PRKD1: variants seen among roughly 807,000 people sequenced by gnomAD.
PRKD1 encodes serine/threonine-protein kinase D1.
PRKD1 carries 63 observed loss-of-function variants against 95.9 expected under a neutral mutation model. The ratio of observed to expected loss-of-function variants is 0.66; its 90% CI spans 0.54 to 0.81. The LOEUF (loss-of-function observed/expected upper bound fraction) is 0.81, where lower values mean the gene tolerates loss of function less well. Ranked by LOEUF, PRKD1 falls within the 30% of genes least tolerant of loss-of-function variation. The probability of loss-of-function intolerance (pLI) is 0.00; values close to 1 mark genes in which losing one functional copy is unlikely to be tolerated. For synonymous variants in PRKD1, 425 were observed against 423.1 expected (o/e 1.00, Z -0.05); for missense variants, 1,048 against 1,165.3 (o/e 0.90, Z 1.47).
In PRKD1 at chr14:29,927,521, G is replaced by T. The variant is rs575697745; in HGVS notation, c.-9C>A. On this transcript the variant is annotated 5_prime_UTR_variant, in exon 1 of 18. Transcript: ENST00000331968. ...ACCGGAGGGGCGCTCATCGCTCGGC[G>T]GGGCGCAGGGCCGGGCAGCGGAGGG... The T allele has an allele frequency of 5.1e-3, 6,005 of 1,178,454 alleles. 26 individuals carry two copies. The highest frequency in any genetic ancestry group is 7.0e-3 in the Admixed American group (152 of 21,624). The allele number at this position is 1,178,454 out of a possible 1,614,324, so 73.0% of individuals were successfully genotyped here. A position where few individuals can be genotyped will look rare whatever the true frequency, so the allele number is the denominator to read the frequency against.
rs183527302 is a variant in PRKD1, at chr14:29,752,075, T to C, written c.265-26401A>G. 5.9e-5 allele frequency among the ~76,000 whole-genome samples: 9 copies of C among 152,320 alleles called. No individual in the cohort carries two copies. The East Asian group carries it at 1.7e-3, about 29-fold the overall frequency. On this transcript the variant is annotated intron_variant, in intron 1 of 17. Transcript: ENST00000331968. ...AAATAAAATTATCAACCAATAGTGATGTCAGAACTACACTAATTGATACTT... is the reference window on the plus strand; with the variant it reads ...AAATAAAATTATCAACCAATAGTGACGTCAGAACTACACTAATTGATACTT...
At chr14:29,589,794 A>G (rs1242631746) in intron 16 of PRKD1, among the ~76,000 whole-genome samples, 1 of 152,150 alleles carries the variant, frequency 6.6e-6, no homozygotes. Flanking sequence ...AAAGATCTAA[A>G]TCAGTAAGAC....
intron 1 of PRKD1, among the ~76,000 whole-genome samples, chr14:29,907,674 A>C (rs1894540607): frequency 6.6e-6 from 1 of 152,224 alleles, no homozygotes; most frequent in South Asian, 2.1e-4. Flanking sequence ...TAAGCAAGCA[A>C]CTGTTTCTTT....
chr14:29,662,621 T>G (rs1195892838), intron 4 of PRKD1, among the ~76,000 whole-genome samples: 3 of 152,112 alleles, frequency 2.0e-5, no homozygotes, highest in African/African-American at 7.2e-5. Context: ...ATAATTCATT[T>G]CATTTATACT....
rs772085148 is a variant in PRKD1 at position 29,638,824 on chromosome 14, A to C, written c.777T>G (p.Leu259=). The C allele has an allele frequency of 1.9e-6, 3 of 1,609,542 alleles. No individual in the cohort carries two copies. In the African/African-American group the frequency reaches 4.0e-5, roughly 22 times the overall value. The part of the protein sequence containing the change: ...SQSYIGRPIH[L]DKILMSKVKV... ...TAACTTTAGACATCAAAATCTTGTC[A>C]AGGTGAATTGGTCGTCCAATGTATG... The change falls in exon 5 of 18, where the codon CTT becomes CTG. Residue 259 remains leucine, a synonymous_variant. Transcript: ENST00000331968.
intron 2 of PRKD1, among the ~76,000 whole-genome samples, chr14:29,668,689 G>A (rs1157151936): frequency 6.6e-6 from 1 of 152,050 alleles, no homozygotes; most frequent in Admixed American, 6.6e-5. Context: ...AATCTCTGGA[G>A]GTCAAAATTA....
At chr14:29,826,802 CACATATAT>C (rs1891187597) in intron 1 of PRKD1, among the ~76,000 whole-genome samples, 1 of 22,786 alleles carries the variant, frequency 4.4e-5, no homozygotes, top group Non-Finnish European at 7.3e-5. Flanking sequence ...CATATATATA[CACATATAT>C]ATACACATAT....
intron 1 of PRKD1, among the ~76,000 whole-genome samples, chr14:29,885,128 A>ATTT (rs1893655966): frequency 1.3e-5 from 2 of 151,436 alleles, no homozygotes; most frequent in African/African-American, 4.8e-5. Flanking sequence ...ATCTTTTAAA[A>ATTT]AAAAAAAAAA....
intron 2 of PRKD1, among the ~76,000 whole-genome samples, chr14:29,718,959 T>C: frequency 6.6e-6 from 1 of 152,158 alleles, no homozygotes; most frequent in Admixed American, 6.6e-5. Context: ...GATAAAATAT[T>C]GCTACATTGC....
At chr14:29,871,121 G>A (rs1262023101) in intron 1 of PRKD1, among the ~76,000 whole-genome samples, 4 of 152,136 alleles carry the variant, frequency 2.6e-5, no homozygotes, top group Non-Finnish European at 5.9e-5. Context: ...CTTTACTGAG[G>A]ACTGTCATAC....
chr14:29,762,285 T>G (rs1405092132), intron 1 of PRKD1, among the ~76,000 whole-genome samples: 1 of 152,176 alleles, frequency 6.6e-6, no homozygotes, highest in South Asian at 2.1e-4. Context: ...GCATAAATAC[T>G]GTCATACTAC....
intron 1 of PRKD1, among the ~76,000 whole-genome samples, chr14:29,836,437 T>C (rs1388936879): frequency 6.6e-6 from 1 of 152,078 alleles, no homozygotes; most frequent in African/African-American, 2.4e-5. Flanking sequence ...GAGGAACTAT[T>C]TAGTCACGTT....
chr14:29,635,378 G>A (rs570360272), intron 7 of PRKD1, among the ~76,000 whole-genome samples: 10 of 151,610 alleles, frequency 6.6e-5, no homozygotes, highest in East Asian at 1.9e-4. Flanking sequence ...ACTGCCCCCC[G>A]GCACCATGCA....
chr14:29,597,888 T>TA, intron 15 of PRKD1, 130 bp from the exon 16 acceptor site: 2 of 978,852 alleles, frequency 2.0e-6, no homozygotes, highest in Non-Finnish European at 2.9e-6. Flanking sequence ...ATGGATTTCT[T>TA]AAAGTAATAG....
chr14:29,718,747 T>C (rs72677471), intron 2 of PRKD1, among the ~76,000 whole-genome samples: 230 of 152,286 alleles, frequency 1.5e-3, no homozygotes, highest in Admixed American at 2.8e-3. Context: ...GAAATATAAA[T>C]TGAGCATTGA....
chr14:29,681,655 A>G (rs1172080037), intron 2 of PRKD1, among the ~76,000 whole-genome samples: 2 of 152,170 alleles, frequency 1.3e-5, no homozygotes, highest in African/African-American at 4.8e-5. Flanking sequence ...TGAACCAAGT[A>G]GAGGCATTTA....
At chr14:29,828,744 A>C (rs189113334) in intron 1 of PRKD1, among the ~76,000 whole-genome samples, 228 of 152,308 alleles carry the variant, frequency 1.5e-3, no homozygotes, top group African/African-American at 4.9e-3. Flanking sequence ...AACAAAACAT[A>C]TACTGAATTA....
chr14:29,581,959 G>A (rs1216416063), intron 16 of PRKD1, among the ~76,000 whole-genome samples: 1 of 152,112 alleles, frequency 6.6e-6, no homozygotes, highest in Non-Finnish European at 1.5e-5. Context: ...AAAGCAGGCA[G>A]TGCTTCCTCC....
At chr14:29,721,860 C>T (rs575006066) in intron 2 of PRKD1, among the ~76,000 whole-genome samples, 43 of 151,944 alleles carry the variant, frequency 2.8e-4, no homozygotes, top group Admixed American at 8.5e-4. Context: ...CAATCTTTTC[C>T]TGGCTTACTG....
Sources: gnomAD v4.1 joint callset for allele counts (sites outside exome capture counted in the v4.1 genomes callset) on GRCh38, gnomAD v4.1.1 for gene constraint, MANE v1.5 for transcripts, NCBI Gene and HGNC (gene_info 2026-07-23, HGNC 2026-07-21) for gene names.